Variants in SEMA6D observed in about 807,000 individuals in gnomAD.
SEMA6D encodes the protein semaphorin 6D, also known as semaphorin-6D.
A neutral mutation model predicts 106.6 loss-of-function variants in SEMA6D; 35 were observed. The ratio of observed to expected loss-of-function variants is 0.33; its 90% CI spans 0.25 to 0.44. SEMA6D has a LOEUF of 0.44. SEMA6D is among the 20% of genes least tolerant of loss of function. The probability of loss-of-function intolerance (pLI) is 1.00; values close to 1 mark genes in which losing one functional copy is unlikely to be tolerated. For synonymous variants in SEMA6D, 499 were observed against 487.7 expected (o/e 1.02, Z -0.31); for missense variants, 1,185 against 1,345.9 (o/e 0.88, Z 1.87).
chr15:47,423,285 T>C (rs2041229379), intron 2 of SEMA6D, among the ~76,000 whole-genome samples: 1 of 151,880 alleles, frequency 6.6e-6, no homozygotes, highest in African/African-American at 2.4e-5. Flanking sequence ...TGAGAAACTA[T>C]AGCTGCCTTG....
intron 3 of SEMA6D, among the ~76,000 whole-genome samples, chr15:47,589,686 C>T (rs2143012330): frequency 6.6e-6 from 1 of 152,292 alleles, no homozygotes; most frequent in Admixed American, 6.5e-5. Flanking sequence ...TAGGGAGGCA[C>T]AGAAGTAGAG....
intron 1 of SEMA6D, among the ~76,000 whole-genome samples, chr15:47,285,223 C>G (rs2142653996): frequency 6.6e-6 from 1 of 152,050 alleles, no homozygotes; most frequent in African/African-American, 2.4e-5. Flanking sequence ...CTATTTTCTG[C>G]CTTTCCCCCA....
intron 1 of SEMA6D, among the ~76,000 whole-genome samples, chr15:47,217,400 A>G (rs1287400574): frequency 6.6e-6 from 1 of 152,172 alleles, no homozygotes; most frequent in African/African-American, 2.4e-5. Context: ...AATAGCAAAC[A>G]ACTGGAAAAC....
chr15:47,189,427 C>G (rs778372143), intron 1 of SEMA6D, among the ~76,000 whole-genome samples: 1 of 152,032 alleles, frequency 6.6e-6, no homozygotes, highest in Non-Finnish European at 1.5e-5. Context: ...TAGAAGGGAC[C>G]ACCCACAAAA....
intron 4 of SEMA6D, among the ~76,000 whole-genome samples, chr15:47,659,976 G>A (rs2077884424): frequency 6.6e-6 from 1 of 151,684 alleles, no homozygotes; most frequent in South Asian, 2.1e-4. Context: ...ATTACCAAAA[G>A]GGATTGTCAT....
At chr15:47,349,532 G>A (rs537943193) in intron 1 of SEMA6D, among the ~76,000 whole-genome samples, 1 of 152,216 alleles carries the variant, frequency 6.6e-6, no homozygotes, top group South Asian at 2.1e-4. Flanking sequence ...GCTGCTTGAA[G>A]GGCCTTTGTC....
intron 1 of SEMA6D, among the ~76,000 whole-genome samples, chr15:47,399,747 A>G (rs1455159282): frequency 6.6e-6 from 1 of 152,212 alleles, no homozygotes; most frequent in African/African-American, 2.4e-5. Context: ...TCGGATGATA[A>G]TTATATTATC....
intron 1 of SEMA6D, among the ~76,000 whole-genome samples, chr15:47,370,813 C>T (rs538792929): frequency 1.6e-4 from 25 of 151,828 alleles, no homozygotes; most frequent in Non-Finnish European, 3.1e-4. Flanking sequence ...TTGCAGTGAG[C>T]TGAGATCGTG....
At chr15:47,664,041 G>C (rs780831180) in intron 4 of SEMA6D, among the ~76,000 whole-genome samples, 12 of 152,156 alleles carry the variant, frequency 7.9e-5, no homozygotes, top group Non-Finnish European at 1.6e-4. Context: ...AAAAAATCCA[G>C]AAATCAGTGT....
intron 1 of SEMA6D, chr15:47,397,494 G>T (rs576993549): frequency 6.6e-6 from 1 of 152,140 alleles, no homozygotes; most frequent in Non-Finnish European, 1.5e-5. Context: ...GAATAAAGGT[G>T]TAAGCAACTA....
At chr15:47,276,285 AAAC>A (rs2041588819) in intron 1 of SEMA6D, among the ~76,000 whole-genome samples, 1 of 152,170 alleles carries the variant, frequency 6.6e-6, no homozygotes, top group South Asian at 2.1e-4. Flanking sequence ...TGGCTACTCT[AAAC>A]AACAGATTTT....
chr15:47,602,303 C>T (rs1055765063), intron 4 of SEMA6D, among the ~76,000 whole-genome samples: 2 of 152,126 alleles, frequency 1.3e-5, no homozygotes, highest in Non-Finnish European at 2.9e-5. Context: ...AATTACATTA[C>T]AGGCAATCTC....
intron 3 of SEMA6D, among the ~76,000 whole-genome samples, chr15:47,575,854 A>G (rs1297249179): frequency 1.3e-5 from 2 of 152,206 alleles, no homozygotes; most frequent in African/African-American, 2.4e-5. Flanking sequence ...GGATGAGGGC[A>G]TGCAACTTTA....
chr15:47,435,150 C>T (rs2041660688), intron 2 of SEMA6D, among the ~76,000 whole-genome samples: 1 of 152,078 alleles, frequency 6.6e-6, no homozygotes, highest in African/African-American at 2.4e-5. Flanking sequence ...TTGCAGTTAA[C>T]AGTAGGTGGT....
At chr15:47,325,451 C>T (rs1252445855) in intron 1 of SEMA6D, among the ~76,000 whole-genome samples, 1 of 152,160 alleles carries the variant, frequency 6.6e-6, no homozygotes, top group Non-Finnish European at 1.5e-5. Flanking sequence ...GGATTACAGG[C>T]GTGAGCCACC....
chr15:47,225,805 C>T (rs2031614999), intron 1 of SEMA6D, among the ~76,000 whole-genome samples: 1 of 152,066 alleles, frequency 6.6e-6, no homozygotes, highest in African/African-American at 2.4e-5. Context: ...GCTGGGATTA[C>T]AGGCGTGAGC....
intron 4 of SEMA6D, among the ~76,000 whole-genome samples, chr15:47,607,909 A>T (rs1369919864): frequency 6.6e-6 from 1 of 152,064 alleles, no homozygotes; most frequent in Non-Finnish European, 1.5e-5. Flanking sequence ...TCTGCCAAAC[A>T]TTTCTTTGGC....
chr15:47,583,191 A>G (rs2076282809), intron 3 of SEMA6D, among the ~76,000 whole-genome samples: 3 of 152,196 alleles, frequency 2.0e-5, no homozygotes, highest in Non-Finnish European at 4.4e-5. Context: ...GACACCTGCT[A>G]AACACGTGAG....
intron 1 of SEMA6D, among the ~76,000 whole-genome samples, chr15:47,735,306 C>T (rs2080380194): frequency 6.6e-6 from 1 of 152,122 alleles, no homozygotes; most frequent in African/African-American, 2.4e-5. Flanking sequence ...GTCATCATGG[C>T]CCAAATATCT....
Sources: allele counts gnomAD v4.1 joint callset (sites outside exome capture counted in the v4.1 genomes callset), GRCh38; gene constraint gnomAD v4.1.1; transcripts MANE v1.5; gene names NCBI Gene and HGNC (gene_info 2026-07-23, HGNC 2026-07-21).